The following LRRC53 variants were observed in gnomAD, a reference collection of about 807,000 sequenced individuals.
LRRC53 encodes leucine rich repeat containing 53, also known as leucine-rich repeat-containing protein 53.
LRRC53 carries 25 observed loss-of-function variants against 13.6 expected under a neutral mutation model. That is an observed-to-expected ratio of 1.83 (90% CI 1.34 to 2.56). The LOEUF (loss-of-function observed/expected upper bound fraction) is 2.56, where lower values mean the gene tolerates loss of function less well. Ranked by LOEUF, LRRC53 falls within the 30% of genes most tolerant of loss-of-function variation. The pLI, the probability that LRRC53 is intolerant of heterozygous loss-of-function variation, is 0.00. For synonymous variants in LRRC53, 204 were observed against 109.8 expected, an observed-to-expected ratio of 1.86 and a Z score of -5.37; for missense variants, 527 against 275.8, an observed-to-expected ratio of 1.91 and a Z score of -6.45.
At chr1:74,483,129 A>G in intron 2 of LRRC53, 133 bp downstream of exon 2, 3 of 496,334 alleles carry the variant, frequency 6.0e-6, no homozygotes, top group Non-Finnish European at 3.6e-6. Flanking sequence ...CTCTTTAGTC[A>G]TTGTATGAAG....
intron 1 of LRRC53, among the ~76,000 whole-genome samples, chr1:74,484,666 C>T (rs1037490911): frequency 6.6e-5 from 10 of 151,976 alleles, no homozygotes; most frequent in African/African-American, 2.4e-4. Context: ...TTCTCAAGGG[C>T]ATGAGGAGGT....
chr1:74,533,389 G>A, the LRRC53 span, among the ~76,000 whole-genome samples: 2 of 152,084 alleles, frequency 1.3e-5, no homozygotes, highest in African/African-American at 2.4e-5. Flanking sequence ...TTAGAATGGC[G>A]ATCATTAAAA....
the LRRC53 span, among the ~76,000 whole-genome samples, chr1:74,537,031 G>T: frequency 1.6e-4 from 24 of 152,256 alleles, no homozygotes; most frequent in African/African-American, 5.8e-4. Context: ...GCTTCCATCT[G>T]TCTGTCATCC....
chr1:74,492,364 C>T (rs1669124684), intron 1 of LRRC53: 6 of 1,315,972 alleles, frequency 4.6e-6, no homozygotes, highest in South Asian at 3.0e-5. Context: ...GGTTTGATTA[C>T]CCCCTGAAAA....
chr1:74,488,460 A>G (rs45519034), intron 1 of LRRC53, among the ~76,000 whole-genome samples: 14,326 of 152,240 alleles, frequency 0.094, 1,729 homozygotes, highest in African/African-American at 0.28. Flanking sequence ...GTTTCAAAAA[A>G]GGAGAAATGA....
chr1:74,502,903 A>G (rs993826062), intron 1 of LRRC53, among the ~76,000 whole-genome samples: 2 of 152,150 alleles, frequency 1.3e-5, no homozygotes, highest in Non-Finnish European at 2.9e-5. Context: ...CTCTGACCAC[A>G]TTTGTAAAAG....
At chr1:74,524,286 A>G in the LRRC53 span, among the ~76,000 whole-genome samples, 3 of 152,238 alleles carry the variant, frequency 2.0e-5, no homozygotes, top group Non-Finnish European at 4.4e-5. Flanking sequence ...TCAGATGGTT[A>G]TGGTAACATG....
intron 1 of LRRC53, among the ~76,000 whole-genome samples, chr1:74,490,523 G>T (rs1272927607): frequency 6.6e-6 from 1 of 152,190 alleles, no homozygotes; most frequent in East Asian, 1.9e-4. Flanking sequence ...TTGTCTTATT[G>T]TAATATATTG....
At chr1:74,485,834 G>A (rs185549555) in intron 1 of LRRC53, among the ~76,000 whole-genome samples, 50 of 152,224 alleles carry the variant, frequency 3.3e-4, no homozygotes, top group African/African-American at 1.1e-3. Flanking sequence ...GGCAACAGAT[G>A]GCAAGAAAAC....
chr1:74,509,062 C>T (rs1208087049), intron 1 of LRRC53, among the ~76,000 whole-genome samples: 1 of 152,152 alleles, frequency 6.6e-6, no homozygotes, highest in Admixed American at 6.5e-5. Flanking sequence ...ATCTGAAATT[C>T]GGGATCCTTA....
intron 1 of LRRC53, among the ~76,000 whole-genome samples, chr1:74,490,488 A>G (rs970554847): frequency 1.3e-5 from 2 of 152,228 alleles, no homozygotes; most frequent in Non-Finnish European, 2.9e-5. Context: ...GGATCTACAA[A>G]CATGATAGGA....
the LRRC53 span, among the ~76,000 whole-genome samples, chr1:74,521,758 A>G: frequency 6.6e-6 from 1 of 152,190 alleles, no homozygotes; most frequent in African/African-American, 2.4e-5. Context: ...AGGGTCTCAT[A>G]AATGAATACA....
At chr1:74,503,925 T>G (rs562501287) in intron 1 of LRRC53, among the ~76,000 whole-genome samples, 1 of 152,320 alleles carries the variant, frequency 6.6e-6, no homozygotes, top group Admixed American at 6.5e-5. Flanking sequence ...TGTTCCTGAA[T>G]GCCATCTTAT....
At chr1:74,496,487 A>G (rs1293442173) in intron 1 of LRRC53, among the ~76,000 whole-genome samples, 1 of 152,168 alleles carries the variant, frequency 6.6e-6, no homozygotes, top group Non-Finnish European at 1.5e-5. Context: ...GGACACCTCA[A>G]CACTGTCTTG....
chr1:74,483,314 A>ACATG lies in LRRC53; in HGVS notation c.32_35dup (p.Val13MetfsTer38). On this transcript the variant is annotated frameshift_variant, in exon 2 of 5. Transcript: ENST00000294635. LOFTEE classifies it high-confidence loss of function. Reference sequence around the variant, plus strand: ...GGGTTACATCTTTGGTGCACACCACACATGACTCAGGGCAAGCTGCCACCA... The same window carrying ACATG: ...GGGTTACATCTTTGGTGCACACCACACATGCATGACTCAGGGCAAGCTGCCACCA... 1 of 717,554 alleles carries ACATG rather than the reference A, an allele frequency of 1.4e-6. No individual in the cohort carries two copies. The highest frequency in any genetic ancestry group is 2.6e-6 in the Non-Finnish European group (1 of 385,012). The allele number at this position is 717,554 out of a possible 1,614,324, so 44.4% of individuals were successfully genotyped here. A position where few individuals can be genotyped will look rare whatever the true frequency, so the allele number is the denominator to read the frequency against.
At chr1:74,484,427 T>G (rs1668652108) in intron 1 of LRRC53, among the ~76,000 whole-genome samples, 1 of 152,200 alleles carries the variant, frequency 6.6e-6, no homozygotes, top group Non-Finnish European at 1.5e-5. Flanking sequence ...TGAAGTGTAC[T>G]TTCTATAAAA....
At chr1:74,522,331 TA>T in the LRRC53 span, among the ~76,000 whole-genome samples, 1 of 152,098 alleles carries the variant, frequency 6.6e-6, no homozygotes, top group Non-Finnish European at 1.5e-5. Flanking sequence ...TGTGCATAAA[TA>T]AAGGCAGTGA....
In LRRC53 at chr1:74,469,974, A is replaced by G. The variant is rs1667845061; in HGVS notation, c.3648T>C (p.Pro1216=). 1.2e-5 allele frequency: 5 copies of G among 400,740 alleles called. No homozygotes were observed. Among genetic ancestry groups the G allele is most frequent in the Non-Finnish European group, 2.2e-5 (5 of 226,160 alleles). 24.8% of individuals were successfully genotyped at this position (400,740 alleles called of 1,614,324 possible). ...AGTTTTCAGCTTCATTTATTCTGCT[A>G]GGAACTAAAAACACCTCATTTTCTG... ...FEAENEVFLV[P]SRINEAENSA... is the part of the protein sequence containing the mutation. Residue 1216 remains proline (P), a synonymous_variant, in exon 5 of 5, where the codon CCT becomes CCC. Coordinates refer to ENST00000294635, the MANE Select transcript of LRRC53 (RefSeq NM_001382280.1).
chr1:74,497,044 A>G (rs1669362279), intron 1 of LRRC53, among the ~76,000 whole-genome samples: 1 of 152,226 alleles, frequency 6.6e-6, no homozygotes, highest in Non-Finnish European at 1.5e-5. Flanking sequence ...TTTTCACACT[A>G]CAAAAGGGTC....
Sources: gnomAD v4.1 joint callset for allele counts (sites outside exome capture counted in the v4.1 genomes callset) on GRCh38, gnomAD v4.1.1 for gene constraint, MANE v1.5 for transcripts, NCBI Gene and HGNC (gene_info 2026-07-23, HGNC 2026-07-21) for gene names.